The following ADAMTS17 variants were observed in gnomAD, a reference collection of about 807,000 sequenced individuals.
The protein encoded by ADAMTS17 is A disintegrin and metalloproteinase with thrombospondin motifs 17.
A neutral mutation model predicts 141.5 loss-of-function variants in ADAMTS17; 113 were observed. The ratio of observed to expected loss-of-function variants is 0.80; its 90% CI spans 0.69 to 0.93. ADAMTS17 has a LOEUF of 0.93. Among genes scored for constraint, ADAMTS17 ranks in the 40% least tolerant of loss-of-function variants. The pLI is 0.00. For synonymous variants in ADAMTS17, 768 were observed against 630.6 expected, an observed-to-expected ratio of 1.22 and a Z score of -3.27; for missense variants, 1,659 against 1,517.9, an observed-to-expected ratio of 1.09 and a Z score of -1.54.
chr15:100,315,172 C>G (rs1025978545), intron 3 of ADAMTS17, among the ~76,000 whole-genome samples: 11 of 152,168 alleles, frequency 7.2e-5, no homozygotes, highest in African/African-American at 2.7e-4. Flanking sequence ...AGGCAGGCAG[C>G]GTGGCAGGTG....
chr15:100,221,235 T>C (rs1178356760), intron 7 of ADAMTS17, among the ~76,000 whole-genome samples: 2 of 152,006 alleles, frequency 1.3e-5, no homozygotes, highest in Admixed American at 6.6e-5. Context: ...AAAAATATGC[T>C]GGAAATGTTT....
chr15:100,039,712 T>C (rs980150732), intron 18 of ADAMTS17, among the ~76,000 whole-genome samples: 2 of 152,160 alleles, frequency 1.3e-5, no homozygotes, highest in African/African-American at 4.8e-5. Context: ...TGTTGTTAGG[T>C]GGAGTGTTTT....
intron 7 of ADAMTS17, among the ~76,000 whole-genome samples, chr15:100,206,850 C>T (rs2041589017): frequency 6.6e-6 from 1 of 152,128 alleles, no homozygotes; most frequent in African/African-American, 2.4e-5. Context: ...GAGGTGTGTG[C>T]CTAGAATCCT....
At chr15:100,200,944 C>T (rs2041307871) in intron 7 of ADAMTS17, among the ~76,000 whole-genome samples, 2 of 152,222 alleles carry the variant, frequency 1.3e-5, no homozygotes, top group Non-Finnish European at 2.9e-5. Flanking sequence ...GCACATTGCT[C>T]CTTTCCAAGG....
chr15:100,209,465 T>C (rs1040269954), intron 7 of ADAMTS17, among the ~76,000 whole-genome samples: 1 of 152,176 alleles, frequency 6.6e-6, no homozygotes, highest in Non-Finnish European at 1.5e-5. Context: ...CCAGCCATCA[T>C]TTGGGTGTTG....
At chr15:100,124,980 G>C (rs1243648129) in intron 12 of ADAMTS17, among the ~76,000 whole-genome samples, 1 of 152,230 alleles carries the variant, frequency 6.6e-6, no homozygotes, top group Non-Finnish European at 1.5e-5. Flanking sequence ...AGAATCAAGA[G>C]AGGCTGGAAG....
At chr15:100,130,324 A>G (rs1452571521) in intron 12 of ADAMTS17, among the ~76,000 whole-genome samples, 1 of 149,868 alleles carries the variant, frequency 6.7e-6, no homozygotes, top group Non-Finnish European at 1.5e-5. Context: ...AGACTGGGCC[A>G]CCGCACTCCA....
In ADAMTS17 at chr15:100,072,662, T is replaced by G. The variant is rs2034063512; in HGVS notation, c.2138-18608A>C. Among the ~76,000 whole-genome samples, 15 of 152,294 alleles carry G rather than the reference T, an allele frequency of 9.8e-5. No individual in the cohort carries two copies. In the South Asian group the frequency reaches 2.9e-3, roughly 29 times the overall value. On this transcript the variant is annotated intron_variant, in intron 15 of 21. Transcript: ENST00000268070. ...ACAAAAACAAGCAATGGGGAAAGGATTCCCTATTTAATAAATGGTGGCGGG... is the reference window on the plus strand; with the variant it reads ...ACAAAAACAAGCAATGGGGAAAGGAGTCCCTATTTAATAAATGGTGGCGGG...
At chr15:100,053,473 A>G (rs2032302588) in intron 16 of ADAMTS17, among the ~76,000 whole-genome samples, 1 of 152,174 alleles carries the variant, frequency 6.6e-6, no homozygotes, top group Admixed American at 6.5e-5. Context: ...ACCTGGAGTC[A>G]TAGTTCATTT....
chr15:100,104,877 A>T (rs1243972705), intron 14 of ADAMTS17, among the ~76,000 whole-genome samples: 1 of 152,230 alleles, frequency 6.6e-6, no homozygotes, highest in East Asian at 1.9e-4. Context: ...TACTGCAACA[A>T]GACATAAGTA....
intron 10 of ADAMTS17, among the ~76,000 whole-genome samples, chr15:100,136,602 T>C (rs1419981103): frequency 1.3e-5 from 2 of 152,220 alleles, no homozygotes; most frequent in Non-Finnish European, 2.9e-5. Context: ...AGGAGGGGGC[T>C]TTCTCTATTT....
At chr15:100,061,886 A>C (rs2033149140) in intron 15 of ADAMTS17, among the ~76,000 whole-genome samples, 1 of 152,236 alleles carries the variant, frequency 6.6e-6, no homozygotes, top group African/African-American at 2.4e-5. Flanking sequence ...CCTCCAGTAC[A>C]TTCAAATGCA....
rs1409185285 is a variant in ADAMTS17, at chr15:100,089,670, A to C, written c.2137+6686T>G. 2.6e-5 allele frequency among the ~76,000 whole-genome samples: 4 copies of C among 152,052 alleles called. No individual in the cohort carries two copies. In the South Asian group the frequency reaches 6.2e-4, roughly 24 times the overall value. On this transcript the variant is annotated intron_variant, in intron 15 of 21. Coordinates refer to ENST00000268070, the MANE Select transcript of ADAMTS17 (RefSeq NM_139057.4). ...TGCAGCCATAAAAAATGATGAGTTCATGTCCTTTGTAGGGACATGGATGAA... is the reference window on the plus strand; with the variant it reads ...TGCAGCCATAAAAAATGATGAGTTCCTGTCCTTTGTAGGGACATGGATGAA...
At chr15:100,117,401 C>G (rs1055941514) in intron 12 of ADAMTS17, among the ~76,000 whole-genome samples, 11 of 130,594 alleles carry the variant, frequency 8.4e-5, no homozygotes, top group Admixed American at 3.0e-4. Flanking sequence ...GAAATGAAGA[C>G]CTTTAAATGC....
chr15:100,104,989 A>G (rs1165049672), intron 14 of ADAMTS17, among the ~76,000 whole-genome samples: 3 of 152,248 alleles, frequency 2.0e-5, no homozygotes, highest in Admixed American at 2.0e-4. Context: ...GCATCGATTT[A>G]AGAGTGGGCT....
intron 20 of ADAMTS17, among the ~76,000 whole-genome samples, chr15:99,982,048 T>G (rs2060491532): frequency 6.6e-6 from 1 of 152,222 alleles, no homozygotes; most frequent in Non-Finnish European, 1.5e-5. Flanking sequence ...GCAAATGACT[T>G]AACCTCTCTG....
At chr15:100,004,558 C>T (rs926282675) in intron 18 of ADAMTS17, among the ~76,000 whole-genome samples, 1 of 151,510 alleles carries the variant, frequency 6.6e-6, no homozygotes, top group Admixed American at 6.6e-5. Context: ...ACTTTAACAG[C>T]AATATTTATT....
At chr15:100,302,136 A>G (rs1452388026) in intron 3 of ADAMTS17, among the ~76,000 whole-genome samples, 24 of 152,182 alleles carry the variant, frequency 1.6e-4, no homozygotes, top group East Asian at 1.9e-4. Context: ...AGATTTGCCT[A>G]TTCTGGGTAT....
intron 6 of ADAMTS17, among the ~76,000 whole-genome samples, chr15:100,260,480 G>A (rs1006987004): frequency 1.3e-5 from 2 of 151,896 alleles, no homozygotes; most frequent in African/African-American, 4.8e-5. Context: ...CAGGTGTGGT[G>A]GCACACGCCT....
Sources: gnomAD v4.1 joint callset for allele counts (sites outside exome capture counted in the v4.1 genomes callset) on GRCh38, gnomAD v4.1.1 for gene constraint, MANE v1.5 for transcripts, NCBI Gene and HGNC (gene_info 2026-07-23, HGNC 2026-07-21) for gene names.